LRRTM3: variants seen among roughly 807,000 people sequenced by gnomAD.
LRRTM3 encodes the protein leucine rich repeat transmembrane neuronal 3.
In LRRTM3, 24 loss-of-function variants were observed where a neutral mutation model predicts 44.7. The ratio of observed to expected loss-of-function variants is 0.54; its 90% CI spans 0.39 to 0.76. The LOEUF (loss-of-function observed/expected upper bound fraction) is 0.76, where lower values mean the gene tolerates loss of function less well. Ranked by LOEUF, LRRTM3 falls within the 30% of genes least tolerant of loss-of-function variation. LRRTM3 has a pLI of 0.00. For synonymous variants in LRRTM3, 277 were observed against 278.7 expected (o/e 0.99, Z 0.06); for missense variants, 587 against 702.2 (o/e 0.84, Z 1.85).
chr10:66,944,717 G>A (rs1848194081), intron 2 of LRRTM3, among the ~76,000 whole-genome samples: 1 of 152,046 alleles, frequency 6.6e-6, no homozygotes, highest in Non-Finnish European at 1.5e-5. Context: ...CTTATAAAAG[G>A]TATTTCTTAA....
chr10:67,092,202 C>G (rs1217747837), intron 2 of LRRTM3, among the ~76,000 whole-genome samples: 1 of 151,866 alleles, frequency 6.6e-6, no homozygotes, highest in East Asian at 1.9e-4. Context: ...TTTTCAACAA[C>G]CTAGAGAGTT....
chr10:67,020,715 C>A (rs1342961008), intron 2 of LRRTM3, among the ~76,000 whole-genome samples: 2 of 151,980 alleles, frequency 1.3e-5, no homozygotes, highest in Admixed American at 6.6e-5. Flanking sequence ...AGCACTAAAA[C>A]CTGGGTTTTA....
chr10:67,062,012 A>G (rs1316704961), intron 2 of LRRTM3, among the ~76,000 whole-genome samples: 1 of 152,200 alleles, frequency 6.6e-6, no homozygotes, highest in Admixed American at 6.5e-5. Flanking sequence ...CCCCAAAACC[A>G]TAGTATAACC....
chr10:67,013,454 GAC>G (rs1453568211), intron 2 of LRRTM3, among the ~76,000 whole-genome samples: 1 of 152,062 alleles, frequency 6.6e-6, no homozygotes, highest in Non-Finnish European at 1.5e-5. Flanking sequence ...AATTTAAAGA[GAC>G]AGAATTCTCA....
chr10:66,996,384 G>A (rs71496025), intron 2 of LRRTM3, among the ~76,000 whole-genome samples: 16,576 of 152,036 alleles, frequency 0.11, 1,260 homozygotes, highest in African/African-American at 0.21. Flanking sequence ...AATGGCTCAC[G>A]CCTGTAATCC....
chr10:67,061,845 T>C (rs1381847890), intron 2 of LRRTM3, among the ~76,000 whole-genome samples: 1 of 152,284 alleles, frequency 6.6e-6, no homozygotes, highest in Non-Finnish European at 1.5e-5. Flanking sequence ...AGAGGGAGAA[T>C]ATTTAACATT....
At position 67,097,596 on chromosome 10, in the gene LRRTM3, T is replaced by C. The variant is rs1858084528; in HGVS notation, c.1546T>C (p.Ser516Pro). The C allele has an allele frequency of 6.2e-7, 1 of 1,612,096 alleles. No homozygotes were observed. The highest frequency in any genetic ancestry group is 1.1e-5 in the South Asian group (1 of 91,054). ...TGTCATTTTTCCCCAGATACCTTTA[T>C]CAATGAATGTGTCAACCTTTCTGGC... The part of the protein sequence containing the change: ...SGSRECEIPL[S>P]MNVSTFLAYD... Residue 516 changes from serine (S) to proline (P), a missense_variant, in exon 3 of 3, where the codon TCA becomes CCA. Ser to Pro is a moderately conservative substitution (Grantham distance 74). Around this residue, in one of 3 missense-constraint regions of LRRTM3, gnomAD observed 315 missense variants for 335.6 expected, o/e 0.94. Transcript: ENST00000361320.
chr10:66,977,066 G>A (rs1850079149), intron 2 of LRRTM3, among the ~76,000 whole-genome samples: 1 of 152,106 alleles, frequency 6.6e-6, no homozygotes, highest in Non-Finnish European at 1.5e-5. Flanking sequence ...CTAAAATAAT[G>A]ACCTAATATA....
At position 66,926,177 on chromosome 10, in the gene LRRTM3, A is replaced by G. The variant is rs1344608215; in HGVS notation, c.-407A>G. 2.2e-6 allele frequency: 1 copy of G among 462,828 alleles called. No homozygotes were observed. Among genetic ancestry groups the G allele is most frequent in the Middle Eastern group, 3.2e-4 (1 of 3,114 alleles). 28.7% of individuals were successfully genotyped at this position (462,828 alleles called of 1,614,324 possible). A position where few individuals can be genotyped will look rare whatever the true frequency, so the allele number is the denominator to read the frequency against. ...CATCACGGGAACTGCTGGGGTATGGAATACAGATGTGGCAGCTCAGGTAGC... is the reference window on the plus strand; with the variant it reads ...CATCACGGGAACTGCTGGGGTATGGGATACAGATGTGGCAGCTCAGGTAGC... On this transcript the variant is annotated 5_prime_UTR_variant, in exon 1 of 3. Coordinates refer to ENST00000361320, the MANE Select transcript of LRRTM3 (RefSeq NM_178011.5).
In LRRTM3 at chr10:66,938,801, G is replaced by A. The variant is rs1003905550; in HGVS notation, c.1536+10349G>A. On this transcript the variant is annotated intron_variant, in intron 2 of 2. Transcript: ENST00000361320. ...TGAACATTTGGAGGGATATGTTAAA[G>A]GGAATAAGAGCTACAAAAAATTGAG... 1.2e-4 allele frequency among the ~76,000 whole-genome samples: 19 copies of A among 152,270 alleles called. 1 individual carries two copies. In the East Asian group the frequency reaches 3.7e-3, roughly 29 times the overall value.
At chr10:66,967,317 T>C (rs1455306711) in intron 2 of LRRTM3, among the ~76,000 whole-genome samples, 3 of 150,102 alleles carry the variant, frequency 2.0e-5, no homozygotes, top group Admixed American at 6.7e-5. Context: ...TAGATAGATA[T>C]AGATATGGAT....
intron 2 of LRRTM3, among the ~76,000 whole-genome samples, chr10:67,043,136 T>C (rs1278649112): frequency 2.3e-4 from 1 of 4,416 alleles, no homozygotes; most frequent in African/African-American, 3.0e-4. Context: ...ACTTTCTTTC[T>C]TTTTTTTTTT....
intron 2 of LRRTM3, among the ~76,000 whole-genome samples, chr10:67,084,797 G>A (rs753740438): frequency 6.6e-5 from 10 of 151,874 alleles, no homozygotes; most frequent in East Asian, 1.9e-4. Context: ...CCTAGACTAC[G>A]TTTATAAATT....
At chr10:66,948,571 A>T (rs531846355) in intron 2 of LRRTM3, among the ~76,000 whole-genome samples, 1 of 152,322 alleles carries the variant, frequency 6.6e-6, no homozygotes, top group South Asian at 2.1e-4. Context: ...TCTAAGAGTC[A>T]TTGATTTATG....
intron 2 of LRRTM3, among the ~76,000 whole-genome samples, chr10:67,078,017 C>T (rs1158685458): frequency 1.3e-5 from 2 of 152,150 alleles, no homozygotes; most frequent in African/African-American, 2.4e-5. Context: ...TTGGATAATT[C>T]TGAGCTAGTA....
intron 2 of LRRTM3, among the ~76,000 whole-genome samples, chr10:66,987,496 ATTTG>A (rs1850799140): frequency 6.6e-6 from 1 of 152,070 alleles, no homozygotes; most frequent in Non-Finnish European, 1.5e-5. Flanking sequence ...AGACTTTGTT[ATTTG>A]TTTGTTTAAT....
chr10:67,091,645 T>C (rs910419216), intron 2 of LRRTM3, among the ~76,000 whole-genome samples: 3 of 152,026 alleles, frequency 2.0e-5, no homozygotes, highest in Admixed American at 2.0e-4. Context: ...TCATAGTCAC[T>C]AAGGTGAAAA....
At chr10:67,063,549 T>C (rs1855887370) in intron 2 of LRRTM3, among the ~76,000 whole-genome samples, 1 of 152,232 alleles carries the variant, frequency 6.6e-6, no homozygotes, top group Non-Finnish European at 1.5e-5. Context: ...AGGTTATCAC[T>C]GTCAGATATG....
Position 67,099,524 on chromosome 10 carries a change from A to G in LRRTM3, c.*1728A>G, listed in dbSNP as rs567416607. 4 of 152,374 alleles carry G rather than the reference A, an allele frequency of 2.6e-5. No homozygotes were observed. In the South Asian group the frequency reaches 8.3e-4, roughly 32 times the overall value. 9.4% of individuals were successfully genotyped at this position (152,374 alleles called of 1,614,324 possible). A position where few individuals can be genotyped will look rare whatever the true frequency, so the allele number is the denominator to read the frequency against. ...TTTTTATCTCTTCCAAAGAAGTTAT[A>G]TCTATAAAATCTAGTTTTATGCAGG... On this transcript the variant is annotated 3_prime_UTR_variant, in exon 3 of 3. Coordinates refer to ENST00000361320, the MANE Select transcript of LRRTM3 (RefSeq NM_178011.5).
Sources: gnomAD v4.1 joint callset for allele counts (sites outside exome capture counted in the v4.1 genomes callset) on GRCh38, gnomAD v4.1.1 for gene constraint, gnomAD v4.1.1 regional missense constraint, MANE v1.5 for transcripts, NCBI Gene and HGNC (gene_info 2026-07-23, HGNC 2026-07-21) for gene names.